WEE1: variants seen among roughly 807,000 people sequenced by gnomAD.
The protein encoded by WEE1 is WEE1 G2 checkpoint kinase.
Under a neutral mutation model 68.8 loss-of-function variants are expected in WEE1, and 16 were observed. The ratio of observed to expected loss-of-function variants is 0.23; its 90% CI spans 0.16 to 0.35. The LOEUF is 0.35. Ranked by LOEUF, WEE1 falls within the 10% of genes least tolerant of loss-of-function variation. The pLI is 1.00. For synonymous variants in WEE1, 349 were observed against 318.7 expected (o/e 1.09, Z -1.01); for missense variants, 651 against 824.1 (o/e 0.79, Z 2.57).
intron 8 of WEE1, among the ~76,000 whole-genome samples, chr11:9,586,067 A>G (rs1244432388): frequency 1.3e-5 from 2 of 152,208 alleles, no homozygotes; most frequent in Admixed American, 6.5e-5. Flanking sequence ...CTTTGTAAAT[A>G]TGTGTATATA....
At chr11:9,581,282 AAAG>A in intron 5 of WEE1, 1 of 395,206 alleles carries the variant, frequency 2.5e-6, no homozygotes, top group Non-Finnish European at 4.5e-6. Context: ...TTACTCTGAG[AAAG>A]AAACAGGTGG....
At chr11:9,575,337 C>T (rs1022950253) in intron 1 of WEE1, 5 of 988,820 alleles carry the variant, frequency 5.1e-6, no homozygotes, top group South Asian at 4.6e-5. Context: ...AGACAAGCCT[C>T]GCATTTGTAA....
intron 6 of WEE1, among the ~76,000 whole-genome samples, chr11:9,583,798 C>CAT (rs1849666060): frequency 9.0e-5 from 2 of 22,228 alleles, no homozygotes; most frequent in African/African-American, 4.0e-4. Context: ...CACACACACA[C>CAT]ACACATATAT....
At chr11:9,580,363 G>T (rs1405889983) in intron 5 of WEE1, 3 of 151,694 alleles carry the variant, frequency 2.0e-5, no homozygotes, top group Admixed American at 1.3e-4. Flanking sequence ...AATGTACAAG[G>T]TTATTTATTA....
chr11:9,586,369 C>A, intron 8 of WEE1, 80 bp from the exon 9 acceptor site: 1 of 1,333,602 alleles, frequency 7.5e-7, no homozygotes, highest in South Asian at 1.4e-5. Context: ...CTATTTTTCA[C>A]CTAAGTCATC....
At position 9,574,350 on chromosome 11, in the gene WEE1, G is replaced by T. The variant is rs1265808022; in HGVS notation, c.417G>T (p.Ser139=). 1.6e-6 allele frequency: 2 copies of T among 1,254,264 alleles called. No individual in the cohort carries two copies. The highest frequency in any genetic ancestry group is 3.2e-5 in the South Asian group (1 of 31,276). The allele number at this position is 1,254,264 out of a possible 1,614,324, so 77.7% of individuals were successfully genotyped here. The change falls in exon 1 of 11, where the codon TCG becomes TCT. Residue 139 remains serine, a synonymous_variant. Coordinates refer to ENST00000450114, the MANE Select transcript of WEE1 (RefSeq NM_003390.4). The surrounding 1 kb of genome is among the most constrained non-coding windows in gnomAD (Gnocchi z 4.9). ...CCTACTTCCTGGGTAGCTCTTTCTCGCCGGTGCGCTGCGGCGGCCCAGGAG... is the reference window on the plus strand; with the variant it reads ...CCTACTTCCTGGGTAGCTCTTTCTCTCCGGTGCGCTGCGGCGGCCCAGGAG... ...AAPYFLGSSF[S]PVRCGGPGDA...
rs1040392017 is a variant in WEE1, at chr11:9,576,503, A to C, written c.863A>C (p.Glu288Ala). 6.2e-7 allele frequency: 1 copy of C among 1,610,218 alleles called. No individual in the cohort carries two copies. Among genetic ancestry groups the C allele is most frequent in the Non-Finnish European group, 8.5e-7 (1 of 1,178,976 alleles). ...TRPAKRITIT[E>A]SNMKSRYTTE... ...TTATTACAGAGAATTACAATTACTG[A>C]AAGCAATATGAAGTCCCGGTATACA... Residue 288 changes from glutamate (E) to alanine (A), a missense_variant, in exon 4 of 11, where the codon GAA becomes GCA. Glu to Ala is a moderately radical substitution (Grantham distance 107). Coordinates refer to ENST00000450114, the MANE Select transcript of WEE1 (RefSeq NM_003390.4). This position sits in a 1 kb window ranked among gnomAD's most constrained non-coding sequence, Gnocchi z 4.3.
intron 1 of WEE1, chr11:9,575,488 T>TGA (rs1849555843): frequency 1.2e-6 from 1 of 825,152 alleles, no homozygotes; most frequent in Non-Finnish European, 1.5e-6. Context: ...CCTCTGGAAG[T>TGA]GAGGGGAGGA....
chr11:9,582,197 C>T (rs1035823932), intron 6 of WEE1, among the ~76,000 whole-genome samples: 1 of 152,190 alleles, frequency 6.6e-6, no homozygotes, highest in Non-Finnish European at 1.5e-5. Flanking sequence ...TTGATTTGTT[C>T]AAATTAGTAT....
Position 9,585,472 on chromosome 11 carries a change from G to T in WEE1, c.1415G>T (p.Ser472Ile), listed in dbSNP as rs56411856. ...CTTGGGCATGTAACAAGGATCTCCAGTCCACAAGTTGAAGAGGGCGATAGT... is the reference window on the plus strand; with the variant it reads ...CTTGGGCATGTAACAAGGATCTCCATTCCACAAGTTGAAGAGGGCGATAGT... ...GDLGHVTRIS[S>I]PQVEEGDSRF... Residue 472 changes from serine to isoleucine, a missense_variant, in exon 8 of 11, where the codon AGT becomes ATT. Around this residue, in one of 5 missense-constraint regions of WEE1, gnomAD observed 82 missense variants for 123.2 expected, o/e 0.67. Transcript: ENST00000450114. The T allele has an allele frequency of 3.7e-6, 6 of 1,603,904 alleles. No homozygotes were observed. Among genetic ancestry groups the T allele is most frequent in the Non-Finnish European group, 5.1e-6 (6 of 1,177,514 alleles).
chr11:9,584,074 GA>G (rs1459624173), intron 6 of WEE1, among the ~76,000 whole-genome samples: 1 of 151,384 alleles, frequency 6.6e-6, no homozygotes, highest in Non-Finnish European at 1.5e-5. Context: ...TTGAACTTCT[GA>G]CCTCAAGTGA....
rs529778221 is a variant in WEE1, at chr11:9,584,545, C to T, written c.1289-713C>T. Among the ~76,000 whole-genome samples, 4 of 152,212 alleles carry T rather than the reference C, an allele frequency of 2.6e-5. No homozygotes were observed. The East Asian group carries it at 7.7e-4, about 29-fold the overall frequency. Reference sequence around the variant, plus strand: ...TTGAAGAAAAAAGGTAATGTGTATACAATAGGAAATAGTGAATCACAAAGC... The same window carrying T: ...TTGAAGAAAAAAGGTAATGTGTATATAATAGGAAATAGTGAATCACAAAGC... On this transcript the variant is annotated intron_variant, in intron 6 of 10. Coordinates refer to ENST00000450114, the MANE Select transcript of WEE1 (RefSeq NM_003390.4).
At position 9,576,737 on chromosome 11, in the gene WEE1, A is replaced by G; in HGVS notation, c.1019+78A>G. On this transcript the variant is annotated intron_variant, in intron 4 of 10. Transcript: ENST00000450114. The surrounding 1 kb of genome is among the most constrained non-coding windows in gnomAD (Gnocchi z 4.3). ...ACATTAAGGTTTCAGCTGGTCAAAC[A>G]CTGAATTCCATCTCTAACTTTTGAG... 1 of 1,416,178 alleles carries G rather than the reference A, an allele frequency of 7.1e-7. No homozygotes were observed. Among genetic ancestry groups the G allele is most frequent in the Non-Finnish European group, 9.5e-7 (1 of 1,047,218 alleles). 87.7% of individuals were successfully genotyped at this position (1,416,178 alleles called of 1,614,324 possible).
At chr11:9,584,261 A>G (rs1173101004) in intron 6 of WEE1, among the ~76,000 whole-genome samples, 1 of 151,816 alleles carries the variant, frequency 6.6e-6, no homozygotes, top group Non-Finnish European at 1.5e-5. Context: ...TCAGACTCAC[A>G]AGTAGCTGGG....
intron 5 of WEE1, chr11:9,579,136 C>T (rs1173103908): frequency 1.3e-5 from 2 of 152,068 alleles, no homozygotes; most frequent in African/African-American, 4.8e-5. Context: ...TGAACCCTGA[C>T]CTCGTGATCC....
chr11:9,589,718 C>A lies in WEE1; in HGVS notation c.*1116C>A, dbSNP rs1229150018. On this transcript the variant is annotated 3_prime_UTR_variant, in exon 11 of 11. Transcript: ENST00000450114. ...TTGTCTTTGACTTGTGTTTTATTAACATTGATTGGCATATTAAAAGTCACT... is the reference window on the plus strand; with the variant it reads ...TTGTCTTTGACTTGTGTTTTATTAAAATTGATTGGCATATTAAAAGTCACT... 4 of 985,382 alleles carry A rather than the reference C, an allele frequency of 4.1e-6. No homozygotes were observed. The highest frequency in any genetic ancestry group is 3.6e-6 in the Non-Finnish European group (3 of 829,644). The allele number at this position is 985,382 out of a possible 1,614,324, so 61.0% of individuals were successfully genotyped here. A position where few individuals can be genotyped will look rare whatever the true frequency, so the allele number is the denominator to read the frequency against.
rs758950288 is a variant in WEE1, at chr11:9,576,286, C to T, written c.839C>T (p.Pro280Leu). 12 of 1,525,172 alleles carry T rather than the reference C, an allele frequency of 7.9e-6. No homozygotes were observed. Among genetic ancestry groups the T allele is most frequent in the Non-Finnish European group, 7.1e-6 (8 of 1,123,938 alleles). 94.5% of individuals were successfully genotyped at this position (1,525,172 alleles called of 1,614,324 possible). A position where few individuals can be genotyped will look rare whatever the true frequency, so the allele number is the denominator to read the frequency against. ...TATGAGCTTGAAGATGAAACAAGACCTGCTAAGGTAAATAGCTTTTTATTT... is the reference window on the plus strand; with the variant it reads ...TATGAGCTTGAAGATGAAACAAGACTTGCTAAGGTAAATAGCTTTTTATTT... Reference protein sequence around the residue: ...SDYELEDETRPAKRITITESN... With the variant: ...SDYELEDETRLAKRITITESN... The change falls in exon 3 of 11, where the codon CCT (proline) becomes CTT (leucine). Residue 280 changes from proline to leucine, a missense_variant. By Grantham distance (98) the Pro-to-Leu change is moderately conservative (BLOSUM62 -3). Coordinates refer to ENST00000450114, the MANE Select transcript of WEE1 (RefSeq NM_003390.4). This position sits in a 1 kb window ranked among gnomAD's most constrained non-coding sequence, Gnocchi z 4.3.
chr11:9,573,811 G>A lies in WEE1; in HGVS notation c.-123G>A, dbSNP rs1349575293. On this transcript the variant is annotated 5_prime_UTR_variant, in exon 1 of 11. Transcript: ENST00000450114. ...CGGAGCCGCAGGCCGCCGCCGCGCAGAGACGCCGCGGCTGCGACTAGGCGC... is the reference window on the plus strand; with the variant it reads ...CGGAGCCGCAGGCCGCCGCCGCGCAAAGACGCCGCGGCTGCGACTAGGCGC... 2.4e-6 allele frequency: 2 copies of A among 829,490 alleles called. No individual in the cohort carries two copies. Among genetic ancestry groups the A allele is most frequent in the African/African-American group, 3.7e-5 (2 of 54,756 alleles). The allele number at this position is 829,490 out of a possible 1,614,324, so 51.4% of individuals were successfully genotyped here. A position where few individuals can be genotyped will look rare whatever the true frequency, so the allele number is the denominator to read the frequency against.
intron 5 of WEE1, 98 bp downstream of exon 5, chr11:9,577,361 T>A: frequency 6.9e-7 from 1 of 1,439,170 alleles, no homozygotes. Flanking sequence ...GTCACTTTTA[T>A]CTTTTATAAA....
Sources: gnomAD v4.1 joint callset for allele counts (sites outside exome capture counted in the v4.1 genomes callset) on GRCh38, gnomAD v4.1.1 for gene constraint, gnomAD v4.1.1 regional missense constraint, Gnocchi (gnomAD v3.1) non-coding constraint, MANE v1.5 for transcripts, NCBI Gene and HGNC (gene_info 2026-07-23, HGNC 2026-07-21) for gene names.